The following DFFB variants were observed in gnomAD, a reference collection of about 807,000 sequenced individuals.
DFFB encodes DNA fragmentation factor 40 kDa subunit.
Under a neutral mutation model 32.7 loss-of-function variants are expected in DFFB, and 29 were observed. The ratio of observed to expected loss-of-function variants is 0.89; its 90% CI spans 0.66 to 1.21. The LOEUF (loss-of-function observed/expected upper bound fraction) is 1.21, where lower values mean the gene tolerates loss of function less well. DFFB is among the 50% of genes most tolerant of loss of function. The probability of loss-of-function intolerance (pLI) is 0.00; values close to 1 mark genes in which losing one functional copy is unlikely to be tolerated. For synonymous variants in DFFB, 170 were observed against 177.1 expected (o/e 0.96, Z 0.32); for missense variants, 398 against 440.6 (o/e 0.90, Z 0.87).
In DFFB at chr1:3,865,566, C is replaced by T. The variant is rs376903989; in HGVS notation, c.242-246C>T. 49 of 614,160 alleles carry T rather than the reference C, an allele frequency of 8.0e-5. No individual in the cohort carries two copies. The highest frequency in any genetic ancestry group is 6.3e-4 in the African/African-American group (34 of 54,290). The allele number at this position is 614,160 out of a possible 1,614,324, so 38.0% of individuals were successfully genotyped here. ...ATGGGAAAGCGGCCGTCTCTTGGTG[C>T]GCTTTCATCTGTCCTCTAAAGCACA... On this transcript the variant is annotated intron_variant, in intron 2 of 6. Coordinates refer to ENST00000378209, the MANE Select transcript of DFFB (RefSeq NM_004402.4). The surrounding 1 kb of genome is among the most constrained non-coding windows in gnomAD (Gnocchi z 4.7).
chr1:3,877,707 T>C (rs1645252670), intron 6 of DFFB, among the ~76,000 whole-genome samples: 1 of 152,194 alleles, frequency 6.6e-6, no homozygotes, highest in Admixed American at 6.5e-5. Flanking sequence ...CTTTTTAGTT[T>C]CCGAGCATGT....
chr1:3,872,178 G>A (rs1645127675), intron 5 of DFFB, among the ~76,000 whole-genome samples: 1 of 152,218 alleles, frequency 6.6e-6, no homozygotes, highest in Non-Finnish European at 1.5e-5. Context: ...ACTTTGGGAG[G>A]CCAAGGCGGG....
At position 3,866,096 on chromosome 1, in the gene DFFB, C is replaced by T. The variant is rs184201765; in HGVS notation, c.430+96C>T. On this transcript the variant is annotated intron_variant, in intron 3 of 6. Coordinates refer to ENST00000378209, the MANE Select transcript of DFFB (RefSeq NM_004402.4). ...CAAAAAGCCCCCAGTGAAGGGCTGG[C>T]CTGTACCCTCGTGGGTTGAGGTGGG... The T allele has an allele frequency of 1.8e-4, 193 of 1,054,408 alleles. No individual in the cohort carries two copies. In the East Asian group the frequency reaches 3.5e-3, roughly 19 times the overall value. 65.3% of individuals were successfully genotyped at this position (1,054,408 alleles called of 1,614,324 possible). A position where few individuals can be genotyped will look rare whatever the true frequency, so the allele number is the denominator to read the frequency against.
Position 3,869,646 on chromosome 1 carries a change from G to A in DFFB, c.552G>A (p.Glu184=), listed in dbSNP as rs1557717472. The A allele has an allele frequency of 1.2e-6, 2 of 1,613,522 alleles. No homozygotes were observed. The highest frequency in any genetic ancestry group is 2.2e-5 in the East Asian group (1 of 44,872). Residue 184 remains glutamate (E), a synonymous_variant, in exon 5 of 7, where the codon GAG becomes GAA. Transcript: ENST00000378209. ...YPSTVGAEAQ[E]EFLRVLGSMC... ...CCACGGTGGGTGCGGAGGCTCAGGA[G>A]GAATTCCTGCGGGTCCTCGGCTCCA... is the stretch of plus-strand genomic sequence containing the variant.
intron 6 of DFFB, among the ~76,000 whole-genome samples, chr1:3,878,213 G>A (rs557196571): frequency 9.9e-5 from 15 of 151,544 alleles, no homozygotes; most frequent in East Asian, 1.9e-4. Flanking sequence ...GTCCAGTGGC[G>A]CAATCTCCTC....
chr1:3,872,646 CATG>C (rs1645143665), intron 6 of DFFB, 74 bp downstream of exon 6: 363 of 1,353,074 alleles, frequency 2.7e-4, no homozygotes, highest in Middle Eastern at 3.6e-4. Flanking sequence ...CTGTCCCTGC[CATG>C]GCCCTGTCCC....
At chr1:3,878,893 C>T (rs1336023252) in intron 6 of DFFB, among the ~76,000 whole-genome samples, 1 of 152,208 alleles carries the variant, frequency 6.6e-6, no homozygotes, top group Non-Finnish European at 1.5e-5. Context: ...TGATGTGTAG[C>T]CCTTAGTGTT....
chr1:3,869,455 G>A, intron 4 of DFFB, 150 bp from the exon 5 acceptor site: 1 of 751,894 alleles, frequency 1.3e-6, no homozygotes, highest in Admixed American at 2.8e-5. Flanking sequence ...GCCCAGCAGT[G>A]GCCGAGAGGC....
chr1:3,869,008 G>A (rs1053396052), intron 4 of DFFB, among the ~76,000 whole-genome samples: 9 of 152,208 alleles, frequency 5.9e-5, no homozygotes, highest in Non-Finnish European at 8.8e-5. Flanking sequence ...GCCCTTCCAC[G>A]CACCACTGCC....
At chr1:3,882,505 C>A (rs1299582870) in intron 6 of DFFB, among the ~76,000 whole-genome samples, 1 of 152,028 alleles carries the variant, frequency 6.6e-6, no homozygotes, top group African/African-American at 2.4e-5. Context: ...GCTGGGATTA[C>A]AGGCATGCAT....
intron 1 of DFFB, among the ~76,000 whole-genome samples, chr1:3,858,085 C>T (rs1570883900): frequency 6.6e-6 from 1 of 152,254 alleles, no homozygotes; most frequent in Admixed American, 6.5e-5. Flanking sequence ...GCTAGGTGGG[C>T]TCTGCAGGCC....
chr1:3,869,839 G>A (rs975856651), intron 5 of DFFB, 64 bp downstream of exon 5: 78 of 1,498,388 alleles, frequency 5.2e-5, no homozygotes, highest in Non-Finnish European at 6.5e-5. Flanking sequence ...CCCGCCTGGG[G>A]CGAGGCGGGT....
At chr1:3,858,891 G>C (rs1477463069) in intron 2 of DFFB, 47 bp downstream of exon 2, 1 of 1,601,908 alleles carries the variant, frequency 6.2e-7, no homozygotes, top group Non-Finnish European at 8.5e-7. Context: ...GGCACTCTCC[G>C]AGGTCCTGGG....
intron 1 of DFFB, 42 bp downstream of exon 1, chr1:3,857,759 T>TA: frequency 7.4e-7 from 1 of 1,348,056 alleles, no homozygotes; most frequent in Non-Finnish European, 9.8e-7. Context: ...CGGGGAGGCG[T>TA]GTGGGGAGAA....
chr1:3,861,423 C>A (rs1203300773), intron 2 of DFFB, among the ~76,000 whole-genome samples: 2 of 152,020 alleles, frequency 1.3e-5, no homozygotes, highest in African/African-American at 2.4e-5. Flanking sequence ...ACAAGTTTTT[C>A]TTTTTTCTTT....
rs1163252663 is a variant in DFFB at position 3,865,630 on chromosome 1, G to A, written c.242-182G>A. On this transcript the variant is annotated intron_variant, in intron 2 of 6. Transcript: ENST00000378209. This position sits in a 1 kb window ranked among gnomAD's most constrained non-coding sequence, Gnocchi z 4.7. ...TCCTCTGTCCTCATGCCGCCCTTGT[G>A]CGTGGTCCCCAGCTGTTGGTGTCAG... 3.4e-6 allele frequency: 3 copies of A among 870,156 alleles called. No homozygotes were observed. The South Asian group carries it at 4.2e-5, about 12-fold the overall frequency. 53.9% of individuals were successfully genotyped at this position (870,156 alleles called of 1,614,324 possible).
At chr1:3,870,334 G>T (rs1441166931) in intron 5 of DFFB, among the ~76,000 whole-genome samples, 1 of 152,226 alleles carries the variant, frequency 6.6e-6, no homozygotes, top group Non-Finnish European at 1.5e-5. Context: ...GTCCACTGAT[G>T]CCCGTGATCT....
chr1:3,864,589 A>C (rs1267961062), intron 2 of DFFB, among the ~76,000 whole-genome samples: 1 of 151,812 alleles, frequency 6.6e-6, no homozygotes. Context: ...GTGCAGTGGC[A>C]ATCATGGCTC....
At chr1:3,867,476 C>G (rs988611313) in intron 3 of DFFB, among the ~76,000 whole-genome samples, 3 of 152,242 alleles carry the variant, frequency 2.0e-5, no homozygotes, top group African/African-American at 7.2e-5. Context: ...CAGGCAGAAG[C>G]TCCTTGGTGG....
Sources: allele counts gnomAD v4.1 joint callset (sites outside exome capture counted in the v4.1 genomes callset), GRCh38; gene constraint gnomAD v4.1.1; non-coding constraint Gnocchi (gnomAD v3.1); transcripts MANE v1.5; gene names NCBI Gene and HGNC (gene_info 2026-07-23, HGNC 2026-07-21).